Variants in MEIS2 observed in about 807,000 individuals in gnomAD.
MEIS2 encodes homeobox protein Meis2.
A neutral mutation model predicts 58.6 loss-of-function variants in MEIS2; 9 were observed. The ratio of observed to expected loss-of-function variants is 0.15; its 90% confidence interval spans 0.09 to 0.27. MEIS2 has a LOEUF of 0.27. Among genes scored for constraint, MEIS2 ranks in the 10% least tolerant of loss-of-function variants. MEIS2 has a pLI of 1.00. For synonymous variants in MEIS2, 221 were observed against 228.4 expected (o/e 0.97, Z 0.29); for missense variants, 427 against 635.0 (o/e 0.67, Z 3.52).
intron 9 of MEIS2, among the ~76,000 whole-genome samples, chr15:36,928,674 T>C (rs1231232074): frequency 6.6e-6 from 1 of 152,238 alleles, no homozygotes; most frequent in Non-Finnish European, 1.5e-5. Flanking sequence ...TAAAAAGATG[T>C]GACCCATATT....
intron 2 of MEIS2, 197 bp from the exon 3 acceptor site, chr15:37,096,627 C>T (rs940521581): frequency 9.4e-6 from 5 of 529,338 alleles, no homozygotes; most frequent in Non-Finnish European, 1.5e-5. Context: ...GGCCCTCTCC[C>T]GCAGCTCAGA....
chr15:37,046,653 G>C (rs1197560709), intron 7 of MEIS2, among the ~76,000 whole-genome samples: 2 of 152,104 alleles, frequency 1.3e-5, no homozygotes, highest in East Asian at 3.8e-4. Flanking sequence ...CCTGTTAACT[G>C]TTGAACAGAA....
At position 37,093,562 on chromosome 15, in the gene MEIS2, T is replaced by C; in HGVS notation, c.639+19A>G. The C allele has an allele frequency of 6.2e-7, 1 of 1,613,526 alleles. No individual in the cohort carries two copies. The highest frequency in any genetic ancestry group is 8.5e-7 in the Non-Finnish European group (1 of 1,179,526). The stretch of plus-strand genomic sequence containing the variant: ...TTGCCCAGTGGCCTTAAAAGATTGC[T>C]AAAGGCTAGCAGACTTACATGGTCA... On this transcript the variant is annotated intron_variant, in intron 6 of 11. Transcript: ENST00000561208.
At chr15:37,046,341 A>G (rs1257106934) in intron 7 of MEIS2, among the ~76,000 whole-genome samples, 1 of 152,198 alleles carries the variant, frequency 6.6e-6, no homozygotes, top group Non-Finnish European at 1.5e-5. Context: ...GCCTGCAGAG[A>G]TGAGCTAACC....
chr15:36,974,532 A>G (rs896299149), intron 8 of MEIS2, among the ~76,000 whole-genome samples: 1 of 152,210 alleles, frequency 6.6e-6, no homozygotes, highest in African/African-American at 2.4e-5. Context: ...CAAAAAAGCA[A>G]TTTTCCTAAT....
At chr15:37,078,574 AAGGAAAAAAGGATTGCC>A (rs1891741613) in intron 7 of MEIS2, among the ~76,000 whole-genome samples, 2 of 125,162 alleles carry the variant, frequency 1.6e-5, no homozygotes, top group Admixed American at 1.9e-4. Context: ...TGCTTTTTGG[AAGGAAAAAAGGATTGCC>A]AGGAAAAAAC....
intron 7 of MEIS2, among the ~76,000 whole-genome samples, chr15:37,074,230 ACCTTAGATGT>A (rs1394020831): frequency 6.6e-6 from 1 of 151,948 alleles, no homozygotes; most frequent in Non-Finnish European, 1.5e-5. Context: ...TAATACTACC[ACCTTAGATGT>A]CCTATATCTG....
chr15:37,079,480 C>CCA (rs1245928825), intron 7 of MEIS2, among the ~76,000 whole-genome samples: 3 of 151,970 alleles, frequency 2.0e-5, no homozygotes, highest in Non-Finnish European at 2.9e-5. Context: ...TATTCAGGAC[C>CCA]CACAGTAAGT....
chr15:37,055,334 A>G (rs1039005535), intron 7 of MEIS2, among the ~76,000 whole-genome samples: 1 of 152,186 alleles, frequency 6.6e-6, no homozygotes, highest in Non-Finnish European at 1.5e-5. Flanking sequence ...CTCCTAGCAC[A>G]TAGAACAGTG....
At chr15:36,997,249 T>C (rs1471678023) in intron 8 of MEIS2, among the ~76,000 whole-genome samples, 1 of 152,306 alleles carries the variant, frequency 6.6e-6, no homozygotes, top group Non-Finnish European at 1.5e-5. Flanking sequence ...GCTAATGGCT[T>C]TTTTAAAGCA....
At chr15:36,997,591 A>G (rs1370737491) in intron 8 of MEIS2, among the ~76,000 whole-genome samples, 1 of 150,266 alleles carries the variant, frequency 6.7e-6, no homozygotes, top group Non-Finnish European at 1.5e-5. Flanking sequence ...GGTTCACGCC[A>G]TTCTCCTGCC....
intron 7 of MEIS2, among the ~76,000 whole-genome samples, chr15:37,080,938 CTATGG>C (rs1440838514): frequency 6.6e-6 from 1 of 152,084 alleles, no homozygotes; most frequent in African/African-American, 2.4e-5. Flanking sequence ...TGCTGAAACA[CTATGG>C]AGGAAAAGAT....
chr15:37,011,429 AAT>A (rs973564823), intron 8 of MEIS2, among the ~76,000 whole-genome samples: 2 of 152,172 alleles, frequency 1.3e-5, no homozygotes, highest in African/African-American at 4.8e-5. Context: ...TTAAGATACA[AAT>A]GTATATAGAT....
intron 9 of MEIS2, among the ~76,000 whole-genome samples, chr15:36,939,771 T>C (rs2058311377): frequency 6.6e-6 from 1 of 152,202 alleles, no homozygotes; most frequent in Non-Finnish European, 1.5e-5. Context: ...GAAATTTTTA[T>C]TGTATAAAGA....
chr15:37,062,015 G>A (rs1288909847), intron 7 of MEIS2, among the ~76,000 whole-genome samples: 1 of 152,266 alleles, frequency 6.6e-6, no homozygotes, highest in East Asian at 1.9e-4. Flanking sequence ...CCAGAACTTG[G>A]AGCTCCTGAC....
intron 11 of MEIS2, 24 bp downstream of exon 11, chr15:36,895,127 C>T: frequency 6.3e-7 from 1 of 1,598,884 alleles, no homozygotes; most frequent in Non-Finnish European, 8.6e-7. Flanking sequence ...CAGGGAAGCC[C>T]AGAGGCGGGA....
At chr15:37,098,271 A>AG in intron 1 of MEIS2, 72 bp from the exon 2 acceptor site, 1 of 1,465,980 alleles carries the variant, frequency 6.8e-7, no homozygotes, top group South Asian at 1.4e-5. Context: ...GGAAAGGGAA[A>AG]AAGAGCAGGG....
At chr15:36,987,413 A>C (rs2060130606) in intron 8 of MEIS2, among the ~76,000 whole-genome samples, 1 of 69,036 alleles carries the variant, frequency 1.4e-5, no homozygotes, top group Non-Finnish European at 4.2e-5. Flanking sequence ...GTCTCAAAAA[A>C]AAAAAAAAAA....
chr15:37,038,551 C>T (rs1213802137), intron 7 of MEIS2, among the ~76,000 whole-genome samples: 1 of 152,222 alleles, frequency 6.6e-6, no homozygotes, highest in East Asian at 1.9e-4. Context: ...TACAGACTGA[C>T]AGGCCACTTC....
Sources: allele counts gnomAD v4.1 joint callset (sites outside exome capture counted in the v4.1 genomes callset), GRCh38; gene constraint gnomAD v4.1.1; transcripts MANE v1.5; gene names NCBI Gene and HGNC (gene_info 2026-07-23, HGNC 2026-07-21).